Variants in TMPRSS9 observed in about 807,000 individuals in gnomAD.
The protein encoded by TMPRSS9 is transmembrane protease serine 9.
TMPRSS9 carries 113 observed loss-of-function variants against 111.4 expected under a neutral mutation model. The ratio of observed to expected loss-of-function variants is 1.01; its 90% CI spans 0.87 to 1.19. The LOEUF is 1.19. Ranked by LOEUF, TMPRSS9 falls within the 50% of genes most tolerant of loss-of-function variation. The pLI is 0.00. For synonymous variants in TMPRSS9, 805 were observed against 659.1 expected (o/e 1.22, Z -3.39); for missense variants, 1,803 against 1,513.1 (o/e 1.19, Z -3.18).
chr19:2,419,673 C>T (rs967078079), intron 13 of TMPRSS9, among the ~76,000 whole-genome samples: 8 of 151,594 alleles, frequency 5.3e-5, no homozygotes, highest in South Asian at 4.2e-4. Flanking sequence ...TGTGCCTCCA[C>T]GTCCAGCTAA....
intron 11 of TMPRSS9, 61 bp from the exon 13 acceptor site, chr19:2,416,477 C>G: frequency 6.4e-7 from 1 of 1,553,932 alleles, no homozygotes; most frequent in Non-Finnish European, 8.7e-7. Flanking sequence ...AGCCCTGTCC[C>G]TCCCCAAGAA....
intron 1 of TMPRSS9, among the ~76,000 whole-genome samples, chr19:2,368,776 T>A (rs1970266358): frequency 1.1e-5 from 1 of 92,820 alleles, no homozygotes; most frequent in South Asian, 3.1e-4. Context: ...TAAACCCAGT[T>A]TTTTTTTTTT....
chr19:2,399,668 CAG>C (rs1970787979), intron 4 of TMPRSS9, among the ~76,000 whole-genome samples: 1 of 152,122 alleles, frequency 6.6e-6, no homozygotes, highest in African/African-American at 2.4e-5. Context: ...TGTAAAGAGC[CAG>C]AGTGTTGTGT....
intron 1 of TMPRSS9, among the ~76,000 whole-genome samples, chr19:2,377,980 C>A (rs773663625): frequency 1.3e-5 from 2 of 151,356 alleles, no homozygotes; most frequent in African/African-American, 2.4e-5. Flanking sequence ...GAGTGATGAA[C>A]CCTCCCACCT....
At chr19:2,411,400 C>CT (rs571815184) in intron 9 of TMPRSS9, among the ~76,000 whole-genome samples, 216 of 100,674 alleles carry the variant, frequency 2.1e-3, no homozygotes, top group East Asian at 2.4e-3. Flanking sequence ...TCTTCTTCTT[C>CT]TTTTTTTTTT....
intron 11 of TMPRSS9, 154 bp from the exon 13 acceptor site, chr19:2,416,384 C>T: frequency 9.9e-7 from 1 of 1,006,898 alleles, no homozygotes. Flanking sequence ...CCCTCTTTCC[C>T]TGGTCCTCCT....
chr19:2,360,746 G>A (rs1190232930), intron 1 of TMPRSS9, among the ~76,000 whole-genome samples: 1 of 151,944 alleles, frequency 6.6e-6, no homozygotes, highest in Non-Finnish European at 1.5e-5. Context: ...GTGGCGTGTG[G>A]ATGCGGCCGG....
chr19:2,411,565 T>C (rs1971097752), intron 9 of TMPRSS9, among the ~76,000 whole-genome samples: 1 of 148,446 alleles, frequency 6.7e-6, no homozygotes, highest in South Asian at 2.2e-4. Flanking sequence ...ACCTAGCTAA[T>C]TTTTGTATTT....
intron 1 of TMPRSS9, among the ~76,000 whole-genome samples, chr19:2,377,888 A>C (rs938248234): frequency 1.4e-5 from 2 of 146,246 alleles, no homozygotes; most frequent in East Asian, 2.1e-4. Context: ...AATTTTTACA[A>C]TTTTTTTGCA....
rs558260855 is a variant in TMPRSS9 at position 2,393,194 on chromosome 19, T to C, written c.142+3267T>C. On this transcript the variant is annotated intron_variant, in intron 1 of 17. Coordinates refer to ENST00000648592, the Ensembl canonical transcript of TMPRSS9. ...TTTTCACAGTGTAGAGGATTTGTTT[T>C]TTAATTCTCTGCGAGAAATCTTGCT... Among the ~76,000 whole-genome samples, 80 of 152,276 alleles carry C rather than the reference T, an allele frequency of 5.3e-4. 2 individuals carry two copies. The South Asian group carries it at 0.016, about 31-fold the overall frequency.
exon 15 of TMPRSS9, chr19:2,424,197 G>A (rs1015614227): frequency 4.8e-6 from 7 of 1,458,984 alleles, no homozygotes; most frequent in South Asian, 1.4e-5. Context: ...CGGGAACACC[G>A]TTGCGGGGCC....
chr19:2,418,246 C>T (rs1190258892), intron 13 of TMPRSS9, 108 bp downstream of exon 14: 1 of 1,381,748 alleles, frequency 7.2e-7, no homozygotes, highest in Non-Finnish European at 9.9e-7. Flanking sequence ...TTCTTTCCTT[C>T]CCCCCCTCCT....
At chr19:2,384,676 G>A (rs1435752687) in intron 1 of TMPRSS9, among the ~76,000 whole-genome samples, 2 of 152,014 alleles carry the variant, frequency 1.3e-5, no homozygotes, top group East Asian at 1.9e-4. Context: ...TTAGCCAGGC[G>A]TGGTGGCGGG....
At chr19:2,420,870 A>G (rs1971448302) in intron 13 of TMPRSS9, among the ~76,000 whole-genome samples, 1 of 152,186 alleles carries the variant, frequency 6.6e-6, no homozygotes, top group African/African-American at 2.4e-5. Flanking sequence ...TTTATTCTCT[A>G]TATAAATGGG....
chr19:2,415,242 G>A (rs1971200201), intron 10 of TMPRSS9, among the ~76,000 whole-genome samples: 2 of 152,066 alleles, frequency 1.3e-5, no homozygotes, highest in Non-Finnish European at 2.9e-5. Flanking sequence ...ACCGCGCCCG[G>A]CCATGCTTCA....
chr19:2,381,823 TATTCATTC>T (rs111934318), intron 1 of TMPRSS9, among the ~76,000 whole-genome samples: 88 of 129,804 alleles, frequency 6.8e-4, no homozygotes, highest in South Asian at 2.4e-3. Context: ...TTCAGATATG[TATTCATTC>T]ATTCATTCAT....
intron 1 of TMPRSS9, among the ~76,000 whole-genome samples, chr19:2,378,119 A>C (rs1041992747): frequency 6.6e-6 from 1 of 152,096 alleles, no homozygotes; most frequent in Non-Finnish European, 1.5e-5. Context: ...GCCTCAAGCA[A>C]TTCTCTTGCC....
At chr19:2,415,705 C>A (rs570871011) in exon 11 of TMPRSS9, 3 of 1,607,152 alleles carry the variant, frequency 1.9e-6, no homozygotes, top group Non-Finnish European at 8.5e-7. Flanking sequence ...GAAGCCCACC[C>A]GGGTCGTGGG....
chr19:2,378,266 T>C (rs561862002), intron 1 of TMPRSS9, among the ~76,000 whole-genome samples: 9 of 152,268 alleles, frequency 5.9e-5, no homozygotes, highest in Admixed American at 1.3e-4. Flanking sequence ...TAGGCATTAC[T>C]TATAGGGTGA....
Sources: gnomAD v4.1 joint callset for allele counts (sites outside exome capture counted in the v4.1 genomes callset) on GRCh38, gnomAD v4.1.1 for gene constraint, MANE v1.5 for transcripts, NCBI Gene and HGNC (gene_info 2026-07-23, HGNC 2026-07-21) for gene names.